Variants in ADAMTS12 observed in about 807,000 individuals in gnomAD.
ADAMTS12 encodes the protein A disintegrin and metalloproteinase with thrombospondin motifs 12.
ADAMTS12 carries 118 observed loss-of-function variants against 167.8 expected under a neutral mutation model. The ratio of observed to expected loss-of-function variants is 0.70; its 90% CI spans 0.61 to 0.82. The LOEUF is 0.82. ADAMTS12 is among the 40% of genes least tolerant of loss of function. The pLI, the probability that ADAMTS12 is intolerant of heterozygous loss-of-function variation, is 0.00. For synonymous variants in ADAMTS12, 704 were observed against 716.9 expected, an observed-to-expected ratio of 0.98 and a Z score of 0.29; for missense variants, 1,916 against 1,998.8, an observed-to-expected ratio of 0.96 and a Z score of 0.79.
chr5:33,577,206 T>C (rs752828513), intron 18 of ADAMTS12, 46 bp from the exon 19 acceptor site: 2 of 1,612,530 alleles, frequency 1.2e-6, no homozygotes, highest in Non-Finnish European at 1.7e-6. Context: ...AAGATGCTTT[T>C]ATTCTCATGG....
At chr5:33,565,092 A>C (rs1745945684) in intron 19 of ADAMTS12, among the ~76,000 whole-genome samples, 1 of 152,146 alleles carries the variant, frequency 6.6e-6, no homozygotes, top group Non-Finnish European at 1.5e-5. Context: ...AATCAGGGAC[A>C]GTGAGGAACT....
At chr5:33,811,905 G>A (rs1747475923) in intron 2 of ADAMTS12, among the ~76,000 whole-genome samples, 1 of 152,206 alleles carries the variant, frequency 6.6e-6, no homozygotes, top group Non-Finnish European at 1.5e-5. Context: ...GGCAGAGCCA[G>A]CCAGATTTAC....
chr5:33,565,665 T>A (rs1426348439), intron 19 of ADAMTS12, among the ~76,000 whole-genome samples: 1 of 121,080 alleles, frequency 8.3e-6, no homozygotes, highest in Non-Finnish European at 1.6e-5. Context: ...TGTTGCCAGT[T>A]TTTTGTTTGT....
At chr5:33,631,958 C>T (rs1179935375) in intron 12 of ADAMTS12, among the ~76,000 whole-genome samples, 1 of 152,100 alleles carries the variant, frequency 6.6e-6, no homozygotes, top group African/African-American at 2.4e-5. Flanking sequence ...AATGCCAAGC[C>T]TGAGTGCACA....
chr5:33,884,124 C>T (rs1439314370), intron 1 of ADAMTS12, among the ~76,000 whole-genome samples: 5 of 152,154 alleles, frequency 3.3e-5, no homozygotes, highest in Admixed American at 2.0e-4. Context: ...TGCTGACTGG[C>T]GCCTTCTATT....
intron 16 of ADAMTS12, among the ~76,000 whole-genome samples, chr5:33,605,344 T>A (rs1738383451): frequency 6.6e-6 from 1 of 152,226 alleles, no homozygotes. Flanking sequence ...TCCTTACCTC[T>A]TGCATTTTTC....
intron 2 of ADAMTS12, among the ~76,000 whole-genome samples, chr5:33,799,426 G>T (rs1430934048): frequency 1.3e-5 from 2 of 152,178 alleles, no homozygotes; most frequent in Non-Finnish European, 2.9e-5. Flanking sequence ...CCTCCTGTGT[G>T]TGCAAGAGTT....
At chr5:33,593,439 G>A (rs543567019) in intron 17 of ADAMTS12, among the ~76,000 whole-genome samples, 1 of 152,252 alleles carries the variant, frequency 6.6e-6, no homozygotes, top group African/African-American at 2.4e-5. Context: ...TTTGGTGAAA[G>A]CTTTAGAGTC....
At chr5:33,704,613 T>C (rs1743120508) in intron 3 of ADAMTS12, among the ~76,000 whole-genome samples, 1 of 152,188 alleles carries the variant, frequency 6.6e-6, no homozygotes, top group Non-Finnish European at 1.5e-5. Context: ...GTTGATCCCG[T>C]TTTCATATAC....
intron 16 of ADAMTS12, among the ~76,000 whole-genome samples, chr5:33,596,578 A>T (rs762179760): frequency 3.3e-5 from 5 of 152,150 alleles, no homozygotes; most frequent in Non-Finnish European, 7.4e-5. Flanking sequence ...GCTACTTGGG[A>T]GGCTGAGGCA....
chr5:33,870,796 A>C (rs1750012003), intron 2 of ADAMTS12, among the ~76,000 whole-genome samples: 1 of 152,164 alleles, frequency 6.6e-6, no homozygotes, highest in Admixed American at 6.5e-5. Flanking sequence ...GTTGTTTAAA[A>C]GTGTGTAGTG....
In ADAMTS12 at chr5:33,546,145, G is replaced by A. The variant is rs1159355883; in HGVS notation, c.4360C>T (p.Leu1454Phe). 15 of 1,613,806 alleles carry A rather than the reference G, an allele frequency of 9.3e-6. No individual in the cohort carries two copies. Among genetic ancestry groups the A allele is most frequent in the African/African-American group, 2.7e-5 (2 of 74,876 alleles). The change falls in exon 22 of 24, where the codon CTC becomes TTC. Residue 1454 changes from leucine (L) to phenylalanine (F), a missense_variant. Leu to Phe is a conservative substitution (Grantham distance 22). Coordinates refer to ENST00000504830, the MANE Select transcript of ADAMTS12 (RefSeq NM_030955.4). ...QERGVFCPGG[L>F]CDWTKRPTST... ...GTGGGTCTTTTTGTCCAATCACAGAGGCCTCCTGGACAGAACACTCCTCTC... is the reference window on the plus strand; with the variant it reads ...GTGGGTCTTTTTGTCCAATCACAGAAGCCTCCTGGACAGAACACTCCTCTC...
intron 2 of ADAMTS12, among the ~76,000 whole-genome samples, chr5:33,757,878 T>C (rs755284735): frequency 1.1e-4 from 16 of 152,160 alleles, no homozygotes; most frequent in Non-Finnish European, 2.2e-4. Context: ...AGGTGCTCAA[T>C]AAATGCACAG....
chr5:33,837,980 G>C (rs2111580656), intron 2 of ADAMTS12, among the ~76,000 whole-genome samples: 1 of 152,194 alleles, frequency 6.6e-6, no homozygotes, highest in Admixed American at 6.5e-5. Context: ...AATTAAATCT[G>C]TATTTGTGGT....
rs182805080 is a variant in ADAMTS12 at position 33,847,516 on chromosome 5, G to A, written c.489+33603C>T. 1.4e-3 allele frequency among the ~76,000 whole-genome samples: 220 copies of A among 152,178 alleles called. 1 individual carries two copies. The highest frequency in any genetic ancestry group is 4.7e-3 in the African/African-American group (197 of 41,524). On this transcript the variant is annotated intron_variant, in intron 2 of 23. Coordinates refer to ENST00000504830, the MANE Select transcript of ADAMTS12 (RefSeq NM_030955.4). ...CACATGCCTATAATCCCAGCTACTC[G>A]GGAGGCTGAGGCAGGAGAATCACCT...
chr5:33,838,064 C>T (rs925290302), intron 2 of ADAMTS12, among the ~76,000 whole-genome samples: 2 of 152,054 alleles, frequency 1.3e-5, no homozygotes, highest in African/African-American at 4.8e-5. Flanking sequence ...TAATTACTCC[C>T]CACAACATCC....
At chr5:33,653,938 G>GAA (rs1371366126) in intron 7 of ADAMTS12, among the ~76,000 whole-genome samples, 3 of 152,114 alleles carry the variant, frequency 2.0e-5, no homozygotes, top group African/African-American at 7.2e-5. Flanking sequence ...CCAATGACAT[G>GAA]AACGTAAGAT....
chr5:33,836,100 A>G (rs568646953), intron 2 of ADAMTS12, among the ~76,000 whole-genome samples: 2 of 152,196 alleles, frequency 1.3e-5, no homozygotes, highest in African/African-American at 2.4e-5. Flanking sequence ...CAGCAGGTTA[A>G]GTTATCACAA....
chr5:33,673,487 C>A (rs1741794374), intron 5 of ADAMTS12, among the ~76,000 whole-genome samples: 1 of 151,936 alleles, frequency 6.6e-6, no homozygotes, highest in Admixed American at 6.6e-5. Flanking sequence ...TCTTGTTATC[C>A]CCCTCTCCTC....
Sources: allele counts gnomAD v4.1 joint callset (sites outside exome capture counted in the v4.1 genomes callset), GRCh38; gene constraint gnomAD v4.1.1; transcripts MANE v1.5; gene names NCBI Gene and HGNC (gene_info 2026-07-23, HGNC 2026-07-21).